Variants in MYO5B observed in about 807,000 individuals in gnomAD.
MYO5B encodes the protein myosin VB.
MYO5B carries 143 observed loss-of-function variants against 229.3 expected under a neutral mutation model. The ratio of observed to expected loss-of-function variants is 0.62; its 90% CI spans 0.54 to 0.72. MYO5B has a LOEUF of 0.72. Among genes scored for constraint, MYO5B ranks in the 30% least tolerant of loss-of-function variants. MYO5B has a pLI of 0.00. For synonymous variants in MYO5B, 918 were observed against 885.2 expected, an observed-to-expected ratio of 1.04 and a Z score of -0.66; for missense variants, 2,321 against 2,331.0, an observed-to-expected ratio of 1.00 and a Z score of 0.09.
At chr18:49,937,115 T>C in intron 15 of MYO5B, 130 bp downstream of exon 15, 1 of 1,102,230 alleles carries the variant, frequency 9.1e-7, no homozygotes, top group Non-Finnish European at 1.4e-6. Flanking sequence ...AAGATAGAGC[T>C]GGATGGCTGA....
chr18:49,909,175 G>A (rs533093054), intron 18 of MYO5B, among the ~76,000 whole-genome samples: 2 of 152,192 alleles, frequency 1.3e-5, no homozygotes, highest in African/African-American at 2.4e-5. Flanking sequence ...TTAGTTTCTC[G>A]ATACAAAGTC....
chr18:50,027,695 A>T (rs1337356421), intron 4 of MYO5B, among the ~76,000 whole-genome samples: 2 of 152,220 alleles, frequency 1.3e-5, no homozygotes, highest in East Asian at 3.8e-4. Context: ...CTCCATGCAC[A>T]TTACAGGAAT....
intron 10 of MYO5B, among the ~76,000 whole-genome samples, chr18:49,964,605 TA>T (rs2025600985): frequency 6.6e-6 from 1 of 152,234 alleles, no homozygotes; most frequent in Admixed American, 6.5e-5. Flanking sequence ...GTTAGCTTTT[TA>T]AAGTCTTTGG....
intron 1 of MYO5B, among the ~76,000 whole-genome samples, chr18:50,148,176 A>AT (rs1280870283): frequency 6.6e-6 from 1 of 151,458 alleles, no homozygotes; most frequent in Non-Finnish European, 1.5e-5. Flanking sequence ...AGAAGCTGAA[A>AT]TTGTGGCAAT....
At chr18:50,022,385 T>A (rs1052272152) in intron 4 of MYO5B, among the ~76,000 whole-genome samples, 5 of 152,232 alleles carry the variant, frequency 3.3e-5, no homozygotes, top group African/African-American at 4.8e-5. Flanking sequence ...ATTACACATA[T>A]CAAAGCAGGG....
chr18:49,933,228 TG>T (rs1371152456), intron 16 of MYO5B, among the ~76,000 whole-genome samples: 3 of 152,180 alleles, frequency 2.0e-5, no homozygotes, highest in African/African-American at 7.2e-5. Context: ...GGAAAACCAG[TG>T]ACCAGGTCCT....
Position 49,929,606 on chromosome 18 carries a change from AGG to A in MYO5B, c.2004-10_2004-9del. On this transcript the variant is annotated splice_polypyrimidine_tract_variant and intron_variant, in intron 16 of 39. Transcript: ENST00000285039. ...GCTCTCTTTGGGTCAAAGCTGCCAA[AGG>A]AGAAAAAAAAAAAAAAAAGCAAGAC... 1 of 1,465,436 alleles carries A rather than the reference AGG, an allele frequency of 6.8e-7. No homozygotes were observed. The highest frequency in any genetic ancestry group is 2.3e-5 in the Admixed American group (1 of 43,908). The allele number at this position is 1,465,436 out of a possible 1,614,324, so 90.8% of individuals were successfully genotyped here. A position where few individuals can be genotyped will look rare whatever the true frequency, so the allele number is the denominator to read the frequency against.
chr18:49,957,142 C>CA (rs71169467), intron 12 of MYO5B, among the ~76,000 whole-genome samples: 18,885 of 58,538 alleles, frequency 0.32, 3,401 homozygotes, highest in Middle Eastern at 0.43. Context: ...AATAAAGTAG[C>CA]AAAAAAAAAA....
intron 13 of MYO5B, 106 bp downstream of exon 13, chr18:49,954,207 G>A (rs2025465613): frequency 1.1e-5 from 17 of 1,528,218 alleles, no homozygotes. Flanking sequence ...GAGGCTTCAG[G>A]CCATTTGAAT....
At chr18:50,148,799 C>G (rs372495638) in intron 1 of MYO5B, among the ~76,000 whole-genome samples, 1 of 152,094 alleles carries the variant, frequency 6.6e-6, no homozygotes. Flanking sequence ...TCTCTCACCA[C>G]TCCTATTCAA....
intron 1 of MYO5B, among the ~76,000 whole-genome samples, chr18:50,144,573 T>G (rs572062814): frequency 6.6e-6 from 1 of 152,284 alleles, no homozygotes; most frequent in African/African-American, 2.4e-5. Flanking sequence ...ATGAGCTACA[T>G]ATACACAGAA....
At chr18:49,907,234 G>A (rs146601887) in intron 18 of MYO5B, among the ~76,000 whole-genome samples, 31 of 152,276 alleles carry the variant, frequency 2.0e-4, no homozygotes, top group African/African-American at 7.0e-4. Context: ...AAATTGGGGT[G>A]AGAGCCACAG....
intron 29 of MYO5B, among the ~76,000 whole-genome samples, chr18:49,858,605 G>C (rs1164920490): frequency 6.6e-6 from 1 of 152,230 alleles, no homozygotes; most frequent in Non-Finnish European, 1.5e-5. Flanking sequence ...AGACTGCAGA[G>C]CTCTCTAGGG....
intron 4 of MYO5B, among the ~76,000 whole-genome samples, chr18:50,027,553 G>C (rs1203292808): frequency 1.3e-5 from 2 of 152,208 alleles, no homozygotes; most frequent in African/African-American, 4.8e-5. Context: ...ACACAACCAA[G>C]AGTGCTCCAA....
chr18:49,902,740 C>T lies in MYO5B; in HGVS notation c.2665G>A (p.Val889Ile), dbSNP rs2024856296. ...AGCATCCGGAAGGCACACTGGATGA[C>T]AATGGCTGCATCCCGCAGCCGCTGG... ...HFQRLRDAAI[V>I]IQCAFRMLKA... Residue 889 changes from valine to isoleucine, a missense_variant, in exon 21 of 40, where the codon GTC (valine) becomes ATC (isoleucine). This residue lies in a region of MYO5B where 2,113 missense variants were observed against 2,044.7 expected (regional missense o/e 1.03). Transcript: ENST00000285039. 6.2e-7 allele frequency: 1 copy of T among 1,609,078 alleles called. No individual in the cohort carries two copies.
intron 2 of MYO5B, among the ~76,000 whole-genome samples, chr18:50,053,401 G>C (rs557794495): frequency 2.6e-5 from 4 of 152,292 alleles, no homozygotes; most frequent in African/African-American, 9.6e-5. Context: ...CAACATGGCA[G>C]ATCATTCCTC....
chr18:50,093,215 C>CAG (rs2031485665), intron 1 of MYO5B, among the ~76,000 whole-genome samples: 1 of 148,864 alleles, frequency 6.7e-6, no homozygotes, highest in African/African-American at 2.6e-5. Flanking sequence ...CAGACACACA[C>CAG]ACACACACAC....
chr18:50,052,043 A>G (rs1360404747), intron 2 of MYO5B, among the ~76,000 whole-genome samples: 2 of 152,240 alleles, frequency 1.3e-5, no homozygotes, highest in African/African-American at 4.8e-5. Flanking sequence ...ATCATTAAAA[A>G]GTCAGGAAAC....
At chr18:50,162,127 C>G (rs534221503) in intron 1 of MYO5B, among the ~76,000 whole-genome samples, 1 of 152,250 alleles carries the variant, frequency 6.6e-6, no homozygotes, top group Admixed American at 6.5e-5. Context: ...CTCCAATTCC[C>G]CTGTGCTCCA....
Sources: gnomAD v4.1 joint callset for allele counts (sites outside exome capture counted in the v4.1 genomes callset) on GRCh38, gnomAD v4.1.1 for gene constraint, gnomAD v4.1.1 regional missense constraint, MANE v1.5 for transcripts, NCBI Gene and HGNC (gene_info 2026-07-23, HGNC 2026-07-21) for gene names.